The following CRACR2A variants were observed in gnomAD, a reference collection of about 807,000 sequenced individuals.
CRACR2A encodes calcium release activated channel regulator 2A.
In CRACR2A, 79 loss-of-function variants were observed where a neutral mutation model predicts 90.5. That is an observed-to-expected ratio of 0.87 (90% CI 0.73 to 1.05). CRACR2A has a LOEUF of 1.05. Ranked by LOEUF, CRACR2A falls within the 50% of genes least tolerant of loss-of-function variation. CRACR2A has a pLI of 0.00. For missense variants in CRACR2A, 823 were observed against 897.2 expected, an observed-to-expected ratio of 0.92 and a Z score of 1.06; for synonymous variants, 338 against 356.7, an observed-to-expected ratio of 0.95 and a Z score of 0.59.
intron 7 of CRACR2A, among the ~76,000 whole-genome samples, chr12:3,669,173 C>T (rs1945197506): frequency 6.6e-6 from 1 of 152,176 alleles, no homozygotes; most frequent in African/African-American, 2.4e-5. Flanking sequence ...ACGTTAAGCC[C>T]CCACCTCAGA....
At chr12:3,641,975 T>TGA (rs2137382268) in intron 12 of CRACR2A, 137 bp from the exon 13 acceptor site, 1 of 712,088 alleles carries the variant, frequency 1.4e-6, no homozygotes, top group East Asian at 2.8e-5. Flanking sequence ...CTGGTCTCCC[T>TGA]GTTAGCGTCT....
At chr12:3,623,003 A>C (rs149958528) in intron 17 of CRACR2A, among the ~76,000 whole-genome samples, 1,546 of 152,294 alleles carry the variant, frequency 0.01, 32 homozygotes, top group African/African-American at 0.035. Context: ...CCAGGAAGGG[A>C]GAGGGAAGTG....
At chr12:3,744,711 TAA>T (rs1466388622) in intron 1 of CRACR2A, among the ~76,000 whole-genome samples, 4 of 151,810 alleles carry the variant, frequency 2.6e-5, no homozygotes, top group Non-Finnish European at 5.9e-5. Context: ...CAGAAAGGAA[TAA>T]GAGAGAAATG....
intron 1 of CRACR2A, among the ~76,000 whole-genome samples, chr12:3,744,030 T>G (rs10848917): frequency 1.3e-5 from 2 of 151,908 alleles, no homozygotes; most frequent in Admixed American, 1.3e-4. Context: ...CCTGAGTAAA[T>G]GCAGAATCAA....
At chr12:3,699,800 G>T (rs529309364) in intron 3 of CRACR2A, among the ~76,000 whole-genome samples, 3 of 152,300 alleles carry the variant, frequency 2.0e-5, no homozygotes, top group Non-Finnish European at 4.4e-5. Context: ...GTACATAGTA[G>T]TACTCACTGA....
intron 2 of CRACR2A, among the ~76,000 whole-genome samples, chr12:3,720,543 C>T (rs959651678): frequency 2.0e-5 from 3 of 152,218 alleles, no homozygotes; most frequent in African/African-American, 4.8e-5. Context: ...CCACAGGTCT[C>T]GACGGGATCC....
chr12:3,750,668 G>C (rs1342750816), intron 1 of CRACR2A, among the ~76,000 whole-genome samples: 1 of 152,176 alleles, frequency 6.6e-6, no homozygotes, highest in Non-Finnish European at 1.5e-5. Context: ...TTGTGTGGAA[G>C]AAAAGCAAGA....
At chr12:3,713,711 C>T (rs193003725) in intron 2 of CRACR2A, among the ~76,000 whole-genome samples, 1 of 152,294 alleles carries the variant, frequency 6.6e-6, no homozygotes, top group Admixed American at 6.5e-5. Context: ...CAGGAGCTCA[C>T]CTTTGAAGAT....
intron 7 of CRACR2A, among the ~76,000 whole-genome samples, chr12:3,670,064 G>A (rs1945213285): frequency 6.6e-6 from 1 of 152,188 alleles, no homozygotes; most frequent in Non-Finnish European, 1.5e-5. Context: ...CTATCTCCTT[G>A]GTGTGATCAT....
chr12:3,702,293 T>A (rs1945845663), intron 3 of CRACR2A, among the ~76,000 whole-genome samples: 1 of 152,268 alleles, frequency 6.6e-6, no homozygotes, highest in Admixed American at 6.5e-5. Context: ...GTGTTGGAGA[T>A]TTTAGCTAGC....
At chr12:3,628,221 C>A (rs980002192) in intron 15 of CRACR2A, among the ~76,000 whole-genome samples, 1 of 137,934 alleles carries the variant, frequency 7.2e-6, no homozygotes, top group African/African-American at 2.7e-5. Flanking sequence ...CTCTTCCTTC[C>A]TTTCTCTCTT....
intron 7 of CRACR2A, among the ~76,000 whole-genome samples, chr12:3,670,939 T>C (rs1945229448): frequency 6.6e-6 from 1 of 152,220 alleles, no homozygotes; most frequent in South Asian, 2.1e-4. Flanking sequence ...CAAGCATGGC[T>C]GGCAGGGATA....
At chr12:3,637,724 C>T (rs1371582962) in intron 14 of CRACR2A, among the ~76,000 whole-genome samples, 6 of 152,096 alleles carry the variant, frequency 3.9e-5, no homozygotes, top group South Asian at 2.1e-4. Context: ...TTGTATGACC[C>T]GACCCCGGCC....
chr12:3,654,403 C>A lies in CRACR2A; in HGVS notation c.859-4G>T. 6.3e-7 allele frequency: 1 copy of A among 1,580,806 alleles called. No individual in the cohort carries two copies. Among genetic ancestry groups the A allele is most frequent in the Non-Finnish European group, 8.6e-7 (1 of 1,165,270 alleles). ...GGGCTGTGCACTGACCTTCCAGCTG[C>A]AAAGGAATGGGGAGCAGAGGGGAAT... On this transcript the variant is annotated splice_region_variant and splice_polypyrimidine_tract_variant and intron_variant, in intron 9 of 19. Transcript: ENST00000440314.
At position 3,654,265 on chromosome 12, in the gene CRACR2A, C is replaced by T. The variant is rs1448672676; in HGVS notation, c.993G>A (p.Gln331=). 6.2e-7 allele frequency: 1 copy of T among 1,613,856 alleles called. No homozygotes were observed. The highest frequency in any genetic ancestry group is 8.5e-7 in the Non-Finnish European group (1 of 1,179,938). ...CCTCTTGCTGGAGGCTTTCCAACTG[C>T]TGCTGAGCATCCTGGAGCTCCCAGG... ...RTSWELQDAQ[Q]QLESLQQEAC... The change falls in exon 10 of 20, where the codon CAG becomes CAA. Residue 331 remains glutamine (Q), a synonymous_variant. Coordinates refer to ENST00000440314, the MANE Select transcript of CRACR2A (RefSeq NM_001144958.2).
At chr12:3,661,763 A>T (rs1423153876) in intron 7 of CRACR2A, among the ~76,000 whole-genome samples, 2 of 152,238 alleles carry the variant, frequency 1.3e-5, no homozygotes, top group African/African-American at 4.8e-5. Flanking sequence ...TATCAAGGAA[A>T]ACTTTAGACA....
chr12:3,700,668 T>C (rs1235586456), intron 3 of CRACR2A, among the ~76,000 whole-genome samples: 1 of 152,236 alleles, frequency 6.6e-6, no homozygotes, highest in Non-Finnish European at 1.5e-5. Context: ...GCTATAATAA[T>C]GCTAAACACT....
At chr12:3,735,793 A>T (rs1480500027) in intron 1 of CRACR2A, among the ~76,000 whole-genome samples, 1 of 152,164 alleles carries the variant, frequency 6.6e-6, no homozygotes, top group Non-Finnish European at 1.5e-5. Context: ...ACCAATTCAG[A>T]TCTTGGGCCT....
At position 3,647,362 on chromosome 12, in the gene CRACR2A, T is replaced by G. The variant is rs146913872; in HGVS notation, c.1118+1180A>C. 1.1e-3 allele frequency among the ~76,000 whole-genome samples: 172 copies of G among 152,324 alleles called. 1 individual carries two copies. Among genetic ancestry groups the G allele is most frequent in the African/African-American group, 3.8e-3 (159 of 41,576 alleles). Reference sequence around the variant, plus strand: ...CAGAAAGGCCTCAGGCCTTTTGTGATTCTGCACAAATGCTAGCCTCCATTA... The same window carrying G: ...CAGAAAGGCCTCAGGCCTTTTGTGAGTCTGCACAAATGCTAGCCTCCATTA... On this transcript the variant is annotated intron_variant, in intron 11 of 19. Transcript: ENST00000440314.
Sources: allele counts gnomAD v4.1 joint callset (sites outside exome capture counted in the v4.1 genomes callset), GRCh38; gene constraint gnomAD v4.1.1; transcripts MANE v1.5; gene names NCBI Gene and HGNC (gene_info 2026-07-23, HGNC 2026-07-21).